Variants in RABGAP1L observed in about 807,000 individuals in gnomAD.
RABGAP1L encodes RAB GTPase activating protein 1 like, also known as rab GTPase-activating protein 1-like.
Under a neutral mutation model 137.7 loss-of-function variants are expected in RABGAP1L, and 63 were observed. That is an observed-to-expected ratio of 0.46 (90% CI 0.37 to 0.56). The LOEUF (loss-of-function observed/expected upper bound fraction) is 0.56, where lower values mean the gene tolerates loss of function less well. Among genes scored for constraint, RABGAP1L ranks in the 20% least tolerant of loss-of-function variants. The probability of loss-of-function intolerance (pLI) is 0.00; values close to 1 mark genes in which losing one functional copy is unlikely to be tolerated. For missense variants in RABGAP1L, 1,095 were observed against 1,244.0 expected (o/e 0.88, Z 1.80); for synonymous variants, 431 against 433.7 (o/e 0.99, Z 0.08).
intron 13 of RABGAP1L, among the ~76,000 whole-genome samples, chr1:174,564,577 A>G (rs1667443123): frequency 6.6e-6 from 1 of 152,218 alleles, no homozygotes; most frequent in East Asian, 1.9e-4. Flanking sequence ...TGATTCTGAT[A>G]TTTTCAATGA....
At chr1:174,378,158 GC>G (rs1685741396) in intron 12 of RABGAP1L, among the ~76,000 whole-genome samples, 1 of 146,702 alleles carries the variant, frequency 6.8e-6, no homozygotes, top group South Asian at 2.2e-4. Flanking sequence ...GTGTATATGT[GC>G]CACATTTTCT....
chr1:174,865,081 C>T (rs1189009915), intron 19 of RABGAP1L, among the ~76,000 whole-genome samples: 3 of 152,140 alleles, frequency 2.0e-5, no homozygotes, highest in African/African-American at 7.2e-5. Flanking sequence ...GATTGCGCCA[C>T]TGCACTCCAG....
intron 19 of RABGAP1L, among the ~76,000 whole-genome samples, chr1:174,925,161 T>C (rs1050860020): frequency 4.6e-5 from 7 of 151,502 alleles, no homozygotes; most frequent in Non-Finnish European, 5.9e-5. Context: ...GTCAGTAGAT[T>C]GAGACCATCC....
chr1:174,524,162 G>A (rs539942600), intron 13 of RABGAP1L, among the ~76,000 whole-genome samples: 46 of 151,932 alleles, frequency 3.0e-4, no homozygotes, highest in African/African-American at 1.1e-3. Flanking sequence ...TAGTTGGATT[G>A]CTGAATCATA....
chr1:174,597,030 A>G (rs933933035), intron 13 of RABGAP1L, among the ~76,000 whole-genome samples: 6 of 152,164 alleles, frequency 3.9e-5, no homozygotes, highest in Middle Eastern at 6.8e-3. Context: ...ATTGATTTGC[A>G]TATGTTGAAC....
At chr1:174,162,488 AT>A (rs1664550676) in intron 1 of RABGAP1L, among the ~76,000 whole-genome samples, 1 of 152,102 alleles carries the variant, frequency 6.6e-6, no homozygotes, top group Non-Finnish European at 1.5e-5. Flanking sequence ...AGTAGCAAAA[AT>A]TTCCTATATT....
chr1:174,583,869 A>G (rs1032569595), intron 13 of RABGAP1L, among the ~76,000 whole-genome samples: 15 of 152,320 alleles, frequency 9.8e-5, no homozygotes, highest in African/African-American at 3.6e-4. Context: ...TCTTAAAACA[A>G]TTTTGAAAAT....
intron 14 of RABGAP1L, among the ~76,000 whole-genome samples, chr1:174,670,817 C>T (rs1339382062): frequency 1.3e-5 from 2 of 152,036 alleles, no homozygotes; most frequent in African/African-American, 4.8e-5. Flanking sequence ...GTGTTGCTTC[C>T]AAGTCTTGGC....
chr1:174,623,396 A>G (rs1672689510), intron 13 of RABGAP1L, among the ~76,000 whole-genome samples: 1 of 152,132 alleles, frequency 6.6e-6, no homozygotes, highest in African/African-American at 2.4e-5. Flanking sequence ...TACCAAAACC[A>G]CCCTTAAGTT....
At position 174,761,338 on chromosome 1, in the gene RABGAP1L, C is replaced by T. The variant is rs996253625; in HGVS notation, c.2211+8984C>T. Reference sequence around the variant, plus strand: ...ACACTTGGATGGTTGCACAGCAGTCCGGCAGAGGCGCTCCTCACTTGCCAG... The same window carrying T: ...ACACTTGGATGGTTGCACAGCAGTCTGGCAGAGGCGCTCCTCACTTGCCAG... On this transcript the variant is annotated intron_variant, in intron 18 of 25. Transcript: ENST00000681986. The surrounding 1 kb of genome is among the most constrained non-coding windows in gnomAD (Gnocchi z 4.0). Among the ~76,000 whole-genome samples, 9 of 152,196 alleles carry T rather than the reference C, an allele frequency of 5.9e-5. No homozygotes were observed. Among genetic ancestry groups the T allele is most frequent in the Non-Finnish European group, 8.8e-5 (6 of 68,024 alleles).
At chr1:174,825,890 C>G (rs1187380062) in intron 19 of RABGAP1L, among the ~76,000 whole-genome samples, 2 of 151,958 alleles carry the variant, frequency 1.3e-5, no homozygotes, top group Admixed American at 1.3e-4. Context: ...AACTCTGTCT[C>G]AAAACAAACA....
chr1:174,902,759 C>A (rs1658356986), intron 19 of RABGAP1L, among the ~76,000 whole-genome samples: 1 of 152,200 alleles, frequency 6.6e-6, no homozygotes, highest in Non-Finnish European at 1.5e-5. Flanking sequence ...TATGCCACTC[C>A]TGGGTGGGCT....
At chr1:174,466,799 A>G (rs1230405036) in intron 13 of RABGAP1L, among the ~76,000 whole-genome samples, 1 of 152,124 alleles carries the variant, frequency 6.6e-6, no homozygotes, top group Non-Finnish European at 1.5e-5. Flanking sequence ...CCCCCGAAAA[A>G]AGAGAGAGTG....
At chr1:174,487,000 T>G (rs1659738684) in intron 13 of RABGAP1L, among the ~76,000 whole-genome samples, 1 of 152,222 alleles carries the variant, frequency 6.6e-6, no homozygotes, top group Non-Finnish European at 1.5e-5. Flanking sequence ...TGATATTTTT[T>G]CAGTTCTTTT....
In RABGAP1L at chr1:174,303,007, A is replaced by G. The variant is rs181201245; in HGVS notation, c.1324-1979A>G. On this transcript the variant is annotated intron_variant, in intron 10 of 25. Transcript: ENST00000681986. ...TTAACAAGGTTGTGGAGTACTTATA[A>G]AGTTGTGAGAAAATATCTGTTGGGG... Among the ~76,000 whole-genome samples the G allele has an allele frequency of 1.3e-4, 19 of 151,908 alleles. No individual in the cohort carries two copies. In the East Asian group the frequency reaches 1.4e-3, roughly 11 times the overall value.
intron 19 of RABGAP1L, among the ~76,000 whole-genome samples, chr1:174,888,847 G>A (rs1655623256): frequency 6.6e-6 from 1 of 152,008 alleles, no homozygotes; most frequent in South Asian, 2.1e-4. Flanking sequence ...TGTGCCTGGG[G>A]GAATTATACA....
At chr1:174,167,169 A>G (rs1196880646) in intron 1 of RABGAP1L, among the ~76,000 whole-genome samples, 4 of 152,228 alleles carry the variant, frequency 2.6e-5, no homozygotes, top group African/African-American at 9.6e-5. Flanking sequence ...CAGTTAAATG[A>G]TAAAGCTAAT....
intron 1 of RABGAP1L, among the ~76,000 whole-genome samples, chr1:174,183,425 G>A (rs907716612): frequency 6.6e-6 from 1 of 152,026 alleles, no homozygotes; most frequent in African/African-American, 2.4e-5. Flanking sequence ...TGTGCGAGCC[G>A]CTGTAACCGG....
chr1:174,534,802 A>AAAAAAAAAAAAAAATAAT (rs1553324953), intron 13 of RABGAP1L, among the ~76,000 whole-genome samples: 2 of 137,264 alleles, frequency 1.5e-5, no homozygotes, highest in East Asian at 2.1e-4. Flanking sequence ...AAAAAAAAAA[A>AAAAAAAAAAAAAAATAAT]AATAATTAGA....
Sources: allele counts gnomAD v4.1 joint callset (sites outside exome capture counted in the v4.1 genomes callset), GRCh38; gene constraint gnomAD v4.1.1; non-coding constraint Gnocchi (gnomAD v3.1); transcripts MANE v1.5; gene names NCBI Gene and HGNC (gene_info 2026-07-23, HGNC 2026-07-21).